The following PCDHA9 variants were observed in gnomAD, a reference collection of about 807,000 sequenced individuals.
The protein encoded by PCDHA9 is protocadherin alpha-9.
A neutral mutation model predicts 62.0 loss-of-function variants in PCDHA9; 62 were observed. The ratio of observed to expected loss-of-function variants is 1.00; its 90% confidence interval spans 0.81 to 1.23. PCDHA9 has a LOEUF of 1.23. PCDHA9 is among the 50% of genes most tolerant of loss of function. The probability of loss-of-function intolerance (pLI) is 0.00; values close to 1 mark genes in which losing one functional copy is unlikely to be tolerated. For synonymous variants in PCDHA9, 557 were observed against 567.6 expected, an observed-to-expected ratio of 0.98 and a Z score of 0.27; for missense variants, 1,205 against 1,249.8, an observed-to-expected ratio of 0.96 and a Z score of 0.54.
intron 1 of PCDHA9, chr5:140,877,241 T>G (rs1554169505): frequency 1.2e-6 from 2 of 1,613,670 alleles, no homozygotes; most frequent in Non-Finnish European, 1.7e-6. Flanking sequence ...GCGGGCCACG[T>G]GGTGGCGAAA....
chr5:140,877,547 C>T lies in PCDHA9; in HGVS notation c.2394+26658C>T, dbSNP rs782342116. ...GTGGGCGCTGTGGATCCCGAAGCGG[C>T]TCTGGTGGATATTAACGTGTACCTC... On this transcript the variant is annotated intron_variant, in intron 1 of 3. Transcript: ENST00000532602. The T allele has an allele frequency of 2.5e-6, 4 of 1,613,656 alleles. No individual in the cohort carries two copies. The highest frequency in any genetic ancestry group is 1.3e-5 in the African/African-American group (1 of 74,930).
In PCDHA9 at chr5:140,855,883, A is replaced by G. The variant is rs2043659343; in HGVS notation, c.2394+4994A>G. 3.2e-6 allele frequency: 3 copies of G among 946,140 alleles called. 1 individual carries two copies. Among genetic ancestry groups the G allele is most frequent in the African/African-American group, 3.3e-5 (2 of 60,716 alleles). 58.6% of individuals were successfully genotyped at this position (946,140 alleles called of 1,614,324 possible). On this transcript the variant is annotated intron_variant, in intron 1 of 3. Coordinates refer to ENST00000532602, the MANE Select transcript of PCDHA9 (RefSeq NM_031857.2). The stretch of plus-strand genomic sequence containing the variant: ...GCTGTCGTCCACAAAATAGCTTTTT[A>G]GAACAAAGGCATCAGCCAGTTTCTC...
At chr5:140,911,283 A>G (rs906069835) in intron 1 of PCDHA9, among the ~76,000 whole-genome samples, 1 of 152,278 alleles carries the variant, frequency 6.6e-6, no homozygotes, top group Non-Finnish European at 1.5e-5. Context: ...CAGCTTCATC[A>G]GGGTCCTTTT....
At chr5:140,966,764 G>T in intron 1 of PCDHA9, 1 of 1,475,264 alleles carries the variant, frequency 6.8e-7, no homozygotes, top group Non-Finnish European at 9.0e-7. Context: ...GCGGCCAGTG[G>T]CTATGGAGCA....
At chr5:140,967,506 T>G in intron 1 of PCDHA9, 7 of 1,612,946 alleles carry the variant, frequency 4.3e-6, no homozygotes, top group Non-Finnish European at 5.9e-6. Context: ...TCTGTGCGTG[T>G]CCTGGACACT....
intron 3 of PCDHA9, among the ~76,000 whole-genome samples, chr5:140,995,476 A>G (rs2097685199): frequency 6.6e-6 from 1 of 152,210 alleles, no homozygotes; most frequent in Non-Finnish European, 1.5e-5. Flanking sequence ...TTTTTCATTT[A>G]ATATTTTCAG....
At chr5:140,869,242 C>T (rs781799282) in intron 1 of PCDHA9, 1 of 1,613,610 alleles carries the variant, frequency 6.2e-7, no homozygotes, top group East Asian at 2.2e-5. Context: ...CTTCGTGGGC[C>T]GCATCGCGCA....
At chr5:140,876,169 C>G in intron 1 of PCDHA9, 1 of 1,613,916 alleles carries the variant, frequency 6.2e-7, no homozygotes, top group African/African-American at 1.3e-5. Context: ...AATAACCGTC[C>G]TGGATGTGAA....
At chr5:140,882,446 G>T (rs556783584) in intron 1 of PCDHA9, 1 of 1,613,924 alleles carries the variant, frequency 6.2e-7, no homozygotes, top group African/African-American at 1.3e-5. Flanking sequence ...GGCGGAGCTG[G>T]TGCCGCGCCT....
At chr5:140,998,055 T>C (rs2097794971) in intron 3 of PCDHA9, among the ~76,000 whole-genome samples, 1 of 152,190 alleles carries the variant, frequency 6.6e-6, no homozygotes, top group Non-Finnish European at 1.5e-5. Flanking sequence ...AGTGACATCA[T>C]CATCAACAGA....
At chr5:140,901,311 C>T (rs1242541248) in intron 1 of PCDHA9, among the ~76,000 whole-genome samples, 3 of 152,052 alleles carry the variant, frequency 2.0e-5, no homozygotes, top group Non-Finnish European at 4.4e-5. Context: ...GGAGAGTTTC[C>T]CCAATGTTTT....
intron 1 of PCDHA9, among the ~76,000 whole-genome samples, chr5:140,977,323 G>A (rs542392962): frequency 1.3e-5 from 2 of 152,324 alleles, no homozygotes; most frequent in Non-Finnish European, 1.5e-5. Context: ...GCTCCTGATG[G>A]CGAGGGGAGA....
chr5:140,988,491 AGG>A (rs2097299997), intron 3 of PCDHA9, among the ~76,000 whole-genome samples: 1 of 152,182 alleles, frequency 6.6e-6, no homozygotes, highest in Non-Finnish European at 1.5e-5. Context: ...TCCCCTACCT[AGG>A]AGAAGCCATG....
intron 3 of PCDHA9, among the ~76,000 whole-genome samples, chr5:140,992,953 C>G (rs1377524442): frequency 5.9e-5 from 9 of 152,172 alleles, no homozygotes; most frequent in African/African-American, 2.2e-4. Flanking sequence ...ATTAAATCAC[C>G]CCTTATACTG....
chr5:140,876,376 A>G (rs2056310624), intron 1 of PCDHA9: 1 of 1,613,840 alleles, frequency 6.2e-7, no homozygotes, highest in African/African-American at 1.3e-5. Flanking sequence ...CACAGGTGAA[A>G]TTAGAATTTA....
intron 1 of PCDHA9, chr5:140,881,341 G>C (rs1422783424): frequency 1.5e-5 from 15 of 984,968 alleles, no homozygotes; most frequent in Non-Finnish European, 1.7e-5. Flanking sequence ...ACGCCGATTC[G>C]GGCTACAATG....
intron 1 of PCDHA9, chr5:140,858,154 C>G (rs781842183): frequency 1.3e-6 from 2 of 1,597,814 alleles, no homozygotes; most frequent in African/African-American, 1.3e-5. Context: ...TCATCGCCAT[C>G]TGCGCGGTGT....
intron 1 of PCDHA9, among the ~76,000 whole-genome samples, chr5:140,941,202 C>CCTTTCTTCCTTCCTTTCTTT (rs1394736170): frequency 8.1e-5 from 10 of 122,740 alleles, no homozygotes; most frequent in African/African-American, 2.1e-4. Context: ...TTTCTTTCTT[C>CCTTTCTTCCTTCCTTTCTTT]CTTTCTTTCT....
intron 1 of PCDHA9, among the ~76,000 whole-genome samples, chr5:140,974,883 C>T (rs1188748856): frequency 1.3e-5 from 2 of 152,154 alleles, no homozygotes; most frequent in Non-Finnish European, 2.9e-5. Context: ...CTATGTATCC[C>T]TTTTCTGATG....
Sources: gnomAD v4.1 joint callset for allele counts (sites outside exome capture counted in the v4.1 genomes callset) on GRCh38, gnomAD v4.1.1 for gene constraint, MANE v1.5 for transcripts, NCBI Gene and HGNC (gene_info 2026-07-23, HGNC 2026-07-21) for gene names.